Variants in DENND2B observed in about 807,000 individuals in gnomAD.
The protein encoded by DENND2B is DENN domain containing 2B, also known as DENN domain-containing protein 2B.
Under a neutral mutation model 116.0 loss-of-function variants are expected in DENND2B, and 32 were observed. That is an observed-to-expected ratio of 0.28 (90% confidence interval 0.21 to 0.37). The LOEUF (loss-of-function observed/expected upper bound fraction) is 0.37. Among genes scored for constraint, DENND2B ranks in the 10% least tolerant of loss-of-function variants. The probability of loss-of-function intolerance (pLI) is 1.00; values close to 1 mark genes in which losing one functional copy is unlikely to be tolerated. For synonymous variants in DENND2B, 588 were observed against 583.9 expected, an observed-to-expected ratio of 1.01 and a Z score of -0.10; for missense variants, 1,276 against 1,477.7, an observed-to-expected ratio of 0.86 and a Z score of 2.24.
rs767281308 is a variant in DENND2B at position 8,730,438 on chromosome 11, C to T, written c.852G>A (p.Arg284=). The change falls in exon 3 of 20, where the codon CGG becomes CGA. Residue 284 remains arginine (R), a synonymous_variant. Coordinates refer to ENST00000313726, the MANE Select transcript of DENND2B (RefSeq NM_213618.2). The surrounding 1 kb of genome is among the most constrained non-coding windows in gnomAD (Gnocchi z 4.1). ...TCAGGACCTGTTCAATTTTCTGGATCCGGCTCAGCACTGCTGAGCTCTCCT... is the reference window on the plus strand; with the variant it reads ...TCAGGACCTGTTCAATTTTCTGGATTCGGCTCAGCACTGCTGAGCTCTCCT... ...SRKESSAVLS[R]IQKIEQVLKE... is the part of the protein sequence containing the mutation. 6.2e-7 allele frequency: 1 copy of T among 1,609,846 alleles called. No individual in the cohort carries two copies.
upstream of DENND2B, among the ~76,000 whole-genome samples, chr11:8,874,771 A>T (rs78993108): frequency 4.0e-5 from 6 of 150,784 alleles, no homozygotes; most frequent in African/African-American, 1.5e-4. Context: ...AAAAAAAAAA[A>T]TTAGCTGAGC....
intron 2 of DENND2B, among the ~76,000 whole-genome samples, chr11:8,858,784 C>T (rs1311407967): frequency 6.6e-6 from 1 of 152,180 alleles, no homozygotes; most frequent in Non-Finnish European, 1.5e-5. Context: ...TAGGTCATTT[C>T]CTGGCTCTCC....
At chr11:8,761,199 A>G (rs1312691749) in intron 1 of DENND2B, among the ~76,000 whole-genome samples, 1 of 152,236 alleles carries the variant, frequency 6.6e-6, no homozygotes, top group Non-Finnish European at 1.5e-5. Flanking sequence ...TTTCAGGCCA[A>G]AGGAAATCTA....
intron 6 of DENND2B, 89 bp downstream of exon 6, chr11:8,715,514 G>T (rs1205549721): frequency 2.2e-6 from 3 of 1,376,750 alleles, no homozygotes; most frequent in Non-Finnish European, 3.0e-6. Flanking sequence ...CCAGATTAGG[G>T]AAGGAAGGAA....
intron 2 of DENND2B, among the ~76,000 whole-genome samples, chr11:8,744,283 A>G (rs1286656711): frequency 6.6e-6 from 1 of 151,594 alleles, no homozygotes; most frequent in Non-Finnish European, 1.5e-5. Context: ...ACAGGTGTGC[A>G]CCACCATGCC....
intron 1 of DENND2B, chr11:8,808,759 C>CAA (rs1344819590): frequency 7.9e-5 from 12 of 152,302 alleles, no homozygotes; most frequent in African/African-American, 2.9e-4. Context: ...CCCAACAGTC[C>CAA]TGTGAAGTTG....
At chr11:8,892,996 C>A (rs2064053350) in intron 1 of DENND2B, among the ~76,000 whole-genome samples, 1 of 152,164 alleles carries the variant, frequency 6.6e-6, no homozygotes, top group South Asian at 2.1e-4. Context: ...CAAAAATCCT[C>A]AGTAAAATAC....
rs572247799 is a variant in DENND2B, at chr11:8,774,797, C to T, written c.-25-24072G>A. On this transcript the variant is annotated intron_variant, in intron 1 of 19. Coordinates refer to ENST00000313726, the MANE Select transcript of DENND2B (RefSeq NM_213618.2). Reference sequence around the variant, plus strand: ...GTCTATAGGATGATGTTACTTGCTTCTCCCCTGGGGAGACTGAGATGAGTG... The same window carrying T: ...GTCTATAGGATGATGTTACTTGCTTTTCCCCTGGGGAGACTGAGATGAGTG... Among the ~76,000 whole-genome samples, 69 of 152,220 alleles carry T rather than the reference C, an allele frequency of 4.5e-4. 2 individuals carry two copies. The South Asian group carries it at 0.014, about 31-fold the overall frequency.
intron 1 of DENND2B, among the ~76,000 whole-genome samples, chr11:8,892,258 T>TTA (rs570919201): frequency 3.5e-4 from 54 of 152,238 alleles, no homozygotes; most frequent in Admixed American, 1.9e-3. Flanking sequence ...AGAGGGAAAC[T>TTA]TATAGCACTA....
At chr11:8,859,946 C>T (rs952601267) in intron 2 of DENND2B, among the ~76,000 whole-genome samples, 1 of 152,160 alleles carries the variant, frequency 6.6e-6, no homozygotes, top group African/African-American at 2.4e-5. Context: ...ACATGTCACA[C>T]CTGCCCCTGT....
chr11:8,776,389 G>A, intron 1 of DENND2B: 1 of 386,940 alleles, frequency 2.6e-6, no homozygotes, highest in Non-Finnish European at 5.1e-6. Context: ...CACAAACAAT[G>A]ACCAAGCACC....
At chr11:8,755,749 A>C (rs897434237) in intron 1 of DENND2B, among the ~76,000 whole-genome samples, 1 of 152,130 alleles carries the variant, frequency 6.6e-6, no homozygotes, top group African/African-American at 2.4e-5. Context: ...CAGCCTCCCA[A>C]AGTGCTGGGA....
chr11:8,814,891 T>C (rs2061515989), upstream of DENND2B, among the ~76,000 whole-genome samples: 1 of 152,210 alleles, frequency 6.6e-6, no homozygotes, highest in Non-Finnish European at 1.5e-5. Flanking sequence ...CATTGCCTCT[T>C]TTCATCGACT....
chr11:8,847,825 A>G (rs1160854859), intron 3 of DENND2B, among the ~76,000 whole-genome samples: 2 of 152,232 alleles, frequency 1.3e-5, no homozygotes, highest in East Asian at 3.8e-4. Context: ...ACAAAAATAT[A>G]TTTTTCAATA....
intron 1 of DENND2B, among the ~76,000 whole-genome samples, chr11:8,777,111 T>A (rs1285429057): frequency 6.6e-6 from 1 of 152,202 alleles, no homozygotes; most frequent in Non-Finnish European, 1.5e-5. Flanking sequence ...TTAAGATTAC[T>A]TTGGTCCTTT....
intron 19 of DENND2B, among the ~76,000 whole-genome samples, chr11:8,695,159 T>C (rs1194969263): frequency 6.6e-6 from 1 of 152,226 alleles, no homozygotes; most frequent in East Asian, 1.9e-4. Context: ...TATGGGAAGA[T>C]GTGCACAGGT....
intron 1 of DENND2B, among the ~76,000 whole-genome samples, chr11:8,770,901 A>G (rs2056740799): frequency 6.6e-6 from 1 of 152,150 alleles, no homozygotes; most frequent in Non-Finnish European, 1.5e-5. Flanking sequence ...TGCACAGGGA[A>G]GTACGCACAC....
chr11:8,874,258 A>G (rs907043045), upstream of DENND2B, among the ~76,000 whole-genome samples: 6 of 152,228 alleles, frequency 3.9e-5, no homozygotes, highest in African/African-American at 1.4e-4. Context: ...AGAGAAGTAC[A>G]ATATGCCCTG....
intron 3 of DENND2B, among the ~76,000 whole-genome samples, chr11:8,852,615 G>C (rs1018805678): frequency 3.3e-5 from 5 of 152,238 alleles, no homozygotes; most frequent in African/African-American, 1.2e-4. Context: ...CTTGATCGGA[G>C]TGGTAGTTAT....
Sources: allele counts gnomAD v4.1 joint callset (sites outside exome capture counted in the v4.1 genomes callset), GRCh38; gene constraint gnomAD v4.1.1; non-coding constraint Gnocchi (gnomAD v3.1); transcripts MANE v1.5; gene names NCBI Gene and HGNC (gene_info 2026-07-23, HGNC 2026-07-21).